ADGRB3: variants seen among roughly 807,000 people sequenced by gnomAD.
ADGRB3 encodes the protein adhesion G protein-coupled receptor B3, also known as brain-specific angiogenesis inhibitor 3.
In ADGRB3, 37 loss-of-function variants were observed where a neutral mutation model predicts 193.4. That is an observed-to-expected ratio of 0.19 (90% CI 0.15 to 0.25). ADGRB3 has a LOEUF of 0.25. Ranked by LOEUF, ADGRB3 falls within the 10% of genes least tolerant of loss-of-function variation. The pLI, the probability that ADGRB3 is intolerant of heterozygous loss-of-function variation, is 1.00. For missense variants in ADGRB3, 1,637 were observed against 1,852.9 expected (o/e 0.88, Z 2.14); for synonymous variants, 690 against 644.2 (o/e 1.07, Z -1.08).
intron 17 of ADGRB3, among the ~76,000 whole-genome samples, chr6:69,140,676 G>A (rs1774309265): frequency 6.6e-6 from 1 of 152,118 alleles, no homozygotes; most frequent in South Asian, 2.1e-4. Flanking sequence ...TAACACAAAA[G>A]ATAAATGTTT....
At chr6:69,340,476 A>G (rs780945663) in intron 26 of ADGRB3, among the ~76,000 whole-genome samples, 1 of 152,084 alleles carries the variant, frequency 6.6e-6, no homozygotes, top group Non-Finnish European at 1.5e-5. Flanking sequence ...TTGTTTGAGA[A>G]CTTTATTGCA....
chr6:69,243,115 G>T (rs1186006730), intron 20 of ADGRB3, among the ~76,000 whole-genome samples: 2 of 151,718 alleles, frequency 1.3e-5, no homozygotes, highest in African/African-American at 4.8e-5. Context: ...GACAAATCTG[G>T]CAAAACTCTT....
At chr6:69,212,010 C>T (rs1426882735) in intron 17 of ADGRB3, among the ~76,000 whole-genome samples, 1 of 152,114 alleles carries the variant, frequency 6.6e-6, no homozygotes, top group Non-Finnish European at 1.5e-5. Context: ...TTTGATTTAG[C>T]AGACTGACTT....
At chr6:68,803,639 CT>C (rs1444059706) in intron 3 of ADGRB3, among the ~76,000 whole-genome samples, 1 of 152,140 alleles carries the variant, frequency 6.6e-6, no homozygotes, top group Non-Finnish European at 1.5e-5. Context: ...CTACAATATA[CT>C]TGGTTTTATA....
chr6:69,251,472 A>C (rs145193162), intron 20 of ADGRB3, among the ~76,000 whole-genome samples: 53 of 152,302 alleles, frequency 3.5e-4, no homozygotes, highest in African/African-American at 1.1e-3. Flanking sequence ...CCAGTGCTGA[A>C]TACAGTGCCT....
At chr6:68,820,026 G>A (rs1013709875) in intron 3 of ADGRB3, among the ~76,000 whole-genome samples, 6 of 151,800 alleles carry the variant, frequency 4.0e-5, no homozygotes, top group South Asian at 2.1e-4. Context: ...CTAAATATTC[G>A]TACTGATTGT....
intron 3 of ADGRB3, among the ~76,000 whole-genome samples, chr6:68,684,639 G>A (rs1764951008): frequency 6.6e-6 from 1 of 152,034 alleles, no homozygotes; most frequent in Non-Finnish European, 1.5e-5. Flanking sequence ...TGAGTGCAAT[G>A]TGATATAAAA....
intron 3 of ADGRB3, among the ~76,000 whole-genome samples, chr6:68,690,976 T>G (rs1582126433): frequency 6.6e-6 from 1 of 152,284 alleles, no homozygotes; most frequent in African/African-American, 2.4e-5. Context: ...GCCAGTATTT[T>G]TTTTCTGACA....
At chr6:68,815,434 A>C (rs1767612008) in intron 3 of ADGRB3, among the ~76,000 whole-genome samples, 1 of 152,170 alleles carries the variant, frequency 6.6e-6, no homozygotes, top group Admixed American at 6.6e-5. Flanking sequence ...GAAGTCAAAC[A>C]GTCTTTTGGT....
chr6:69,215,453 CGTGT>C (rs10651298), intron 17 of ADGRB3, among the ~76,000 whole-genome samples: 3,008 of 146,612 alleles, frequency 0.021, 91 homozygotes, highest in African/African-American at 0.063. Context: ...TGAACAGAAA[CGTGT>C]GTGTGTGTGT....
At chr6:68,676,368 C>T (rs541886704) in intron 3 of ADGRB3, among the ~76,000 whole-genome samples, 17 of 126,814 alleles carry the variant, frequency 1.3e-4, no homozygotes, top group Non-Finnish European at 2.6e-4. Flanking sequence ...TCCAGCCTGG[C>T]GACAGAGAGA....
At chr6:69,296,338 A>G (rs896047085) in intron 20 of ADGRB3, among the ~76,000 whole-genome samples, 4 of 152,084 alleles carry the variant, frequency 2.6e-5, no homozygotes, top group Non-Finnish European at 5.9e-5. Flanking sequence ...TGCATTACAA[A>G]CGAGAGGCTC....
chr6:69,126,270 CATACACACATAG>C (rs1386439091), intron 17 of ADGRB3, among the ~76,000 whole-genome samples: 2 of 151,978 alleles, frequency 1.3e-5, no homozygotes, highest in Admixed American at 1.3e-4. Context: ...TACATACATA[CATACACACATAG>C]ATAAAGACAT....
intron 13 of ADGRB3, 34 bp downstream of exon 13, chr6:69,018,533 G>A (rs780141571): frequency 8.9e-6 from 13 of 1,458,584 alleles, no homozygotes; most frequent in Middle Eastern, 1.8e-4. Context: ...AAATCTTTCT[G>A]AAATAAAAAA....
chr6:68,916,334 G>A (rs993774786), intron 3 of ADGRB3, among the ~76,000 whole-genome samples: 1 of 152,166 alleles, frequency 6.6e-6, no homozygotes, highest in African/African-American at 2.4e-5. Flanking sequence ...CTAGAATAAA[G>A]TGAGTAAAGT....
intron 3 of ADGRB3, among the ~76,000 whole-genome samples, chr6:68,887,976 A>G (rs1365837614): frequency 3.3e-5 from 5 of 152,158 alleles, no homozygotes; most frequent in African/African-American, 1.2e-4. Context: ...CCCTTCTCAT[A>G]TTGGTGCTCC....
chr6:69,288,592 T>G (rs1767601343), intron 20 of ADGRB3, among the ~76,000 whole-genome samples: 2 of 152,192 alleles, frequency 1.3e-5, no homozygotes, highest in African/African-American at 4.8e-5. Flanking sequence ...CAACTCTTTT[T>G]ATATTGTTAC....
At chr6:69,014,823 T>C (rs868734166) in intron 12 of ADGRB3, among the ~76,000 whole-genome samples, 3 of 152,058 alleles carry the variant, frequency 2.0e-5, no homozygotes, top group Middle Eastern at 3.4e-3. Flanking sequence ...ATTTGACTCT[T>C]GTTAAAAATA....
intron 17 of ADGRB3, among the ~76,000 whole-genome samples, chr6:69,115,137 C>T (rs1773492947): frequency 6.6e-6 from 1 of 152,158 alleles, no homozygotes; most frequent in South Asian, 2.1e-4. Context: ...TATAAAGACA[C>T]ATGCACATGT....
Sources: allele counts gnomAD v4.1 joint callset (sites outside exome capture counted in the v4.1 genomes callset), GRCh38; gene constraint gnomAD v4.1.1; transcripts MANE v1.5; gene names NCBI Gene and HGNC (gene_info 2026-07-23, HGNC 2026-07-21).